Variants in FHAD1 observed in about 807,000 individuals in gnomAD.
FHAD1 encodes the protein forkhead-associated domain-containing protein 1.
In FHAD1, 146 loss-of-function variants were observed where a neutral mutation model predicts 191.3. That is an observed-to-expected ratio of 0.76 (90% CI 0.67 to 0.88). FHAD1 has a LOEUF of 0.88. FHAD1 is among the 40% of genes least tolerant of loss of function. The pLI is 0.00. For synonymous variants in FHAD1, 616 were observed against 672.3 expected (o/e 0.92, Z 1.29); for missense variants, 1,635 against 1,785.8 (o/e 0.92, Z 1.52).
intron 3 of FHAD1, among the ~76,000 whole-genome samples, chr1:15,279,874 C>T (rs766016737): frequency 6.6e-6 from 1 of 151,834 alleles, no homozygotes; most frequent in Non-Finnish European, 1.5e-5. Flanking sequence ...GAGATGGATG[C>T]AATGTAGGGA....
intron 5 of FHAD1, among the ~76,000 whole-genome samples, chr1:15,299,999 G>C (rs1394507395): frequency 6.6e-6 from 1 of 152,200 alleles, no homozygotes; most frequent in Non-Finnish European, 1.5e-5. Flanking sequence ...CAGGCAATGA[G>C]CTGGCCTAGA....
intron 14 of FHAD1, among the ~76,000 whole-genome samples, chr1:15,335,868 C>G (rs1320170445): frequency 6.6e-6 from 1 of 152,206 alleles, no homozygotes; most frequent in Non-Finnish European, 1.5e-5. Context: ...TCAGCTACCT[C>G]TCCCCTTAGT....
At chr1:15,301,591 T>C in intron 6 of FHAD1, 150 bp downstream of exon 6, 1 of 662,460 alleles carries the variant, frequency 1.5e-6, no homozygotes, top group East Asian at 2.7e-5. Context: ...GACTGGGAGA[T>C]TCGGCAGTTT....
At chr1:15,250,384 C>T (rs946411497) in intron 1 of FHAD1, among the ~76,000 whole-genome samples, 4 of 152,134 alleles carry the variant, frequency 2.6e-5, no homozygotes, top group Admixed American at 2.0e-4. Context: ...GATGGACACA[C>T]GGATAGATGG....
At chr1:15,358,886 A>G (rs1188112843) in intron 21 of FHAD1, among the ~76,000 whole-genome samples, 9 of 152,192 alleles carry the variant, frequency 5.9e-5, no homozygotes, top group African/African-American at 1.9e-4. Flanking sequence ...CGTTGGAGAG[A>G]ACAGCTCTGG....
chr1:15,350,193 T>G (rs1415327233), intron 19 of FHAD1, among the ~76,000 whole-genome samples: 1 of 152,246 alleles, frequency 6.6e-6, no homozygotes, highest in Non-Finnish European at 1.5e-5. Context: ...CGGTTCTGGG[T>G]GCCACAGACA....
rs1247815433 is a variant in FHAD1, at chr1:15,360,566, A to G, written c.2825A>G (p.Glu942Gly). The change falls in exon 22 of 34, where the codon GAA (glutamate) becomes GGA (glycine). Residue 942 changes from glutamate to glycine, a missense_variant. Physicochemically the swap from Glu to Gly is moderately conservative, Grantham distance 98. Coordinates refer to ENST00000688493, the MANE Select transcript of FHAD1 (RefSeq NM_001391957.1). ...EQESQRHGFE[E>G]EIMEYKEQIK... The stretch of plus-strand genomic sequence containing the variant: ...GAATCACAGAGACACGGGTTTGAAG[A>G]AGAGATCATGGAATATAAGGAGCAA... 6.4e-7 allele frequency: 1 copy of G among 1,552,030 alleles called. No individual in the cohort carries two copies. The highest frequency in any genetic ancestry group is 2.4e-5 in the East Asian group (1 of 40,934).
chr1:15,304,022 T>G (rs1017128143), intron 6 of FHAD1, among the ~76,000 whole-genome samples: 1 of 152,240 alleles, frequency 6.6e-6, no homozygotes, highest in Non-Finnish European at 1.5e-5. Flanking sequence ...CATTTTAGTC[T>G]CTTAAATATT....
rs1706414946 is a variant in FHAD1 at position 15,397,608 on chromosome 1, T to C, written c.*195T>C. The C allele has an allele frequency of 5.2e-6, 2 of 384,514 alleles. No individual in the cohort carries two copies. The highest frequency in any genetic ancestry group is 7.6e-5 in the East Asian group (2 of 26,306). 23.8% of individuals were successfully genotyped at this position (384,514 alleles called of 1,614,324 possible). A position where few individuals can be genotyped will look rare whatever the true frequency, so the allele number is the denominator to read the frequency against. On this transcript the variant is annotated 3_prime_UTR_variant, in exon 34 of 34. Transcript: ENST00000688493. The stretch of plus-strand genomic sequence containing the variant: ...GGGGAGAAGGGTTCTTCTTTAAAAA[T>C]ACCTATGAATGTACACGAACTCAGG...
chr1:15,239,113 G>T (rs768839090), intron 1 of FHAD1, among the ~76,000 whole-genome samples: 1 of 152,064 alleles, frequency 6.6e-6, no homozygotes, highest in Non-Finnish European at 1.5e-5. Context: ...TGTCTATGTT[G>T]CCTATGCTGG....
chr1:15,349,151 T>C lies in FHAD1; in HGVS notation c.2454+2T>C, dbSNP rs1390238071. ...AACCATTTAACCCAACAGAAGGAGG[T>C]ATGAGCAGCAGCAGGAAAGAATCCT... On this transcript the variant is annotated splice_donor_variant, in intron 19 of 33. Transcript: ENST00000688493. LOFTEE classifies it high-confidence loss of function. 1.3e-6 allele frequency: 2 copies of C among 1,543,584 alleles called. No homozygotes were observed. Among genetic ancestry groups the C allele is most frequent in the Admixed American group, 3.9e-5 (2 of 50,902 alleles).
chr1:15,381,194 G>T lies in FHAD1; in HGVS notation c.3802-37G>T, dbSNP rs1300234848. The T allele has an allele frequency of 1.4e-6, 2 of 1,451,700 alleles. No individual in the cohort carries two copies. Among genetic ancestry groups the T allele is most frequent in the East Asian group, 5.0e-5 (2 of 40,242 alleles). The allele number at this position is 1,451,700 out of a possible 1,614,324, so 89.9% of individuals were successfully genotyped here. A position where few individuals can be genotyped will look rare whatever the true frequency, so the allele number is the denominator to read the frequency against. ...CCTTAAAGCGGCCACCAGCGGCCGCGGGTAATGCCTCTTATGCGCGAACGT... is the reference window on the plus strand; with the variant it reads ...CCTTAAAGCGGCCACCAGCGGCCGCTGGTAATGCCTCTTATGCGCGAACGT... On this transcript the variant is annotated intron_variant, in intron 29 of 33. Transcript: ENST00000688493. This position sits in a 1 kb window ranked among gnomAD's most constrained non-coding sequence, Gnocchi z 4.6.
chr1:15,338,278 G>A (rs1569618114), intron 14 of FHAD1, among the ~76,000 whole-genome samples: 1 of 152,216 alleles, frequency 6.6e-6, no homozygotes, highest in East Asian at 1.9e-4. Context: ...TCCTTCCGGA[G>A]GCTCTAGAGC....
At position 15,345,012 on chromosome 1, in the gene FHAD1, G is replaced by A; in HGVS notation, c.2131-71G>A. 6.0e-6 allele frequency: 7 copies of A among 1,165,064 alleles called. No homozygotes were observed. The South Asian group carries it at 9.3e-5, about 15-fold the overall frequency. 72.2% of individuals were successfully genotyped at this position (1,165,064 alleles called of 1,614,324 possible). A position where few individuals can be genotyped will look rare whatever the true frequency, so the allele number is the denominator to read the frequency against. On this transcript the variant is annotated intron_variant, in intron 16 of 33. Coordinates refer to ENST00000688493, the MANE Select transcript of FHAD1 (RefSeq NM_001391957.1). ...GGTGAGGAGTGAAGAGGTAGCACAT[G>A]CAGTGCCTGGCAGCGTCCAAATTCC...
At chr1:15,286,622 A>G (rs1373515956) in intron 3 of FHAD1, among the ~76,000 whole-genome samples, 1 of 152,224 alleles carries the variant, frequency 6.6e-6, no homozygotes, top group Non-Finnish European at 1.5e-5. Context: ...TGTCCAGCCT[A>G]GTCTCCTTGG....
At chr1:15,307,061 C>T (rs1460629130) in intron 6 of FHAD1, among the ~76,000 whole-genome samples, 1 of 152,172 alleles carries the variant, frequency 6.6e-6, no homozygotes, top group Non-Finnish European at 1.5e-5. Flanking sequence ...CCCTGCAAAG[C>T]CACAGGGATG....
upstream of FHAD1, among the ~76,000 whole-genome samples, chr1:15,242,573 G>T (rs1459785127): frequency 1.3e-5 from 2 of 152,204 alleles, no homozygotes; most frequent in Non-Finnish European, 2.9e-5. Context: ...CCACCCCATA[G>T]AGACTGCTGG....
At chr1:15,243,307 G>A (rs1386390374), upstream of FHAD1, among the ~76,000 whole-genome samples, 3 of 152,112 alleles carry the variant, frequency 2.0e-5, no homozygotes, top group African/African-American at 7.2e-5. Flanking sequence ...AGCTTATATG[G>A]TCAGGTTACT....
At chr1:15,365,523 A>C (rs565318902) in intron 23 of FHAD1, among the ~76,000 whole-genome samples, 1 of 116,000 alleles carries the variant, frequency 8.6e-6, no homozygotes, top group Non-Finnish European at 1.7e-5. Flanking sequence ...GTTCTGACTT[A>C]TGTAGCCCAG....
Sources: gnomAD v4.1 joint callset for allele counts (sites outside exome capture counted in the v4.1 genomes callset) on GRCh38, gnomAD v4.1.1 for gene constraint, Gnocchi (gnomAD v3.1) non-coding constraint, MANE v1.5 for transcripts, NCBI Gene and HGNC (gene_info 2026-07-23, HGNC 2026-07-21) for gene names.